Variants in STK32C observed in about 807,000 individuals in gnomAD.
The protein encoded by STK32C is serine/threonine kinase 32C.
Under a neutral mutation model 56.5 loss-of-function variants are expected in STK32C, and 31 were observed. The observed-to-expected ratio is 0.55, with a 90% CI of 0.41 to 0.74. STK32C has a LOEUF of 0.74. Among genes scored for constraint, STK32C ranks in the 30% least tolerant of loss-of-function variants. The pLI, the probability that STK32C is intolerant of heterozygous loss-of-function variation, is 0.00. For missense variants in STK32C, 544 were observed against 676.9 expected (o/e 0.80, Z 2.18); for synonymous variants, 309 against 289.4 (o/e 1.07, Z -0.69).
upstream of STK32C, among the ~76,000 whole-genome samples, chr10:132,311,725 C>T (rs546163808): frequency 6.6e-6 from 1 of 152,340 alleles, no homozygotes; most frequent in East Asian, 1.9e-4. This position sits in a 1 kb window ranked among gnomAD's most constrained non-coding sequence, Gnocchi z 4.4. Flanking sequence ...GTTGCCTTTT[C>T]ATCTGTCTAC....
chr10:132,246,201 T>C (rs1471674938), intron 1 of STK32C, among the ~76,000 whole-genome samples: 1 of 152,210 alleles, frequency 6.6e-6, no homozygotes, highest in Admixed American at 6.5e-5. Context: ...GGATTAGGCA[T>C]GTGCTCAGCC....
chr10:132,303,234 GAGA>G (rs577451568), intron 1 of STK32C, among the ~76,000 whole-genome samples: 8 of 152,344 alleles, frequency 5.3e-5, no homozygotes, highest in Non-Finnish European at 1.0e-4. Flanking sequence ...GAACTAATGC[GAGA>G]AGGAGAGAGC....
upstream of STK32C, among the ~76,000 whole-genome samples, chr10:132,312,634 A>G (rs1346483994): frequency 6.6e-6 from 1 of 152,222 alleles, no homozygotes; most frequent in Non-Finnish European, 1.5e-5. Flanking sequence ...AAGGCCTGGC[A>G]AGAATTCTTG....
At chr10:132,327,309 A>C (rs1590522488) in intron 1 of STK32C, among the ~76,000 whole-genome samples, 1 of 152,052 alleles carries the variant, frequency 6.6e-6, no homozygotes, top group South Asian at 2.1e-4. Context: ...CTTACCTTCC[A>C]CCATGATTGT....
At chr10:132,330,830 G>C (rs1243563405) in intron 1 of STK32C, among the ~76,000 whole-genome samples, 2 of 151,368 alleles carry the variant, frequency 1.3e-5, no homozygotes, top group Non-Finnish European at 1.5e-5. Context: ...TTCTTACTGT[G>C]ATCTCTTCAC....
At chr10:132,265,732 G>A (rs10870282) in intron 1 of STK32C, among the ~76,000 whole-genome samples, 58,821 of 152,166 alleles carry the variant, frequency 0.39, 11,915 homozygotes, top group Admixed American at 0.5. Context: ...CTTCACAGAC[G>A]AGAAGCTCCC....
At chr10:132,248,459 G>A (rs1165189683) in intron 1 of STK32C, among the ~76,000 whole-genome samples, 3 of 152,256 alleles carry the variant, frequency 2.0e-5, no homozygotes, top group African/African-American at 7.2e-5. Context: ...ACTCCGCTGG[G>A]CGGCTCTGGG....
At chr10:132,321,504 C>A (rs1275836703), downstream of STK32C, among the ~76,000 whole-genome samples, 1 of 152,184 alleles carries the variant, frequency 6.6e-6, no homozygotes, top group Non-Finnish European at 1.5e-5. Flanking sequence ...AGAGCCACTT[C>A]ATTCACCCTC....
At chr10:132,271,916 C>G (rs981734744) in intron 1 of STK32C, among the ~76,000 whole-genome samples, 1 of 152,264 alleles carries the variant, frequency 6.6e-6, no homozygotes, top group African/African-American at 2.4e-5. Context: ...AACACCACTG[C>G]TCAGTGCCCG....
chr10:132,210,644 C>T (rs1392229358), intron 10 of STK32C, among the ~76,000 whole-genome samples: 10 of 152,230 alleles, frequency 6.6e-5, no homozygotes, highest in East Asian at 1.9e-4. Flanking sequence ...GGCTGTTCTC[C>T]GATGAACGGT....
rs2066104264 is a variant in STK32C at position 132,307,222 on chromosome 10, C to T, written c.262+350G>A. On this transcript the variant is annotated intron_variant, in intron 1 of 11. Transcript: ENST00000298630. The surrounding 1 kb of genome is among the most constrained non-coding windows in gnomAD (Gnocchi z 4.4). ...TCTCTAACTGCAAAGTACAAACGAGCCCGCACGTGGGCCCGAGCGGATCAC... is the reference window on the plus strand; with the variant it reads ...TCTCTAACTGCAAAGTACAAACGAGTCCGCACGTGGGCCCGAGCGGATCAC... The T allele has an allele frequency of 1.1e-5, 2 of 183,692 alleles. No individual in the cohort carries two copies. The highest frequency in any genetic ancestry group is 2.7e-4 in the South Asian group (2 of 7,332). 11.4% of individuals were successfully genotyped at this position (183,692 alleles called of 1,614,324 possible). A position where few individuals can be genotyped will look rare whatever the true frequency, so the allele number is the denominator to read the frequency against.
chr10:132,220,545 AAG>A (rs1443857283), intron 10 of STK32C, among the ~76,000 whole-genome samples: 5 of 152,248 alleles, frequency 3.3e-5, no homozygotes, highest in African/African-American at 4.8e-5. Flanking sequence ...AAAGACTCAA[AAG>A]AGGACTAAAG....
chr10:132,296,876 G>A (rs925869653), intron 1 of STK32C, among the ~76,000 whole-genome samples: 9 of 152,208 alleles, frequency 5.9e-5, no homozygotes, highest in Non-Finnish European at 1.2e-4. Flanking sequence ...GCGCCCTCTG[G>A]GACGCCGAAA....
At chr10:132,242,795 C>T (rs1004224638) in intron 2 of STK32C, among the ~76,000 whole-genome samples, 3 of 152,232 alleles carry the variant, frequency 2.0e-5, no homozygotes, top group Non-Finnish European at 2.9e-5. Flanking sequence ...GCCCCTGTGC[C>T]TACTGTCAGC....
At chr10:132,331,679 G>C (rs756909510) in exon 1 of STK32C, 2 of 1,612,802 alleles carry the variant, frequency 1.2e-6, no homozygotes, top group Admixed American at 1.7e-5. Flanking sequence ...CTGCTCGGCT[G>C]TCCTCGAGCA....
At chr10:132,250,016 A>G (rs1186099352) in intron 1 of STK32C, among the ~76,000 whole-genome samples, 1 of 152,196 alleles carries the variant, frequency 6.6e-6, no homozygotes, top group African/African-American at 2.4e-5. Context: ...CTTTGAGGGG[A>G]GCAATATGTA....
At chr10:132,266,485 A>C (rs1191939697) in intron 1 of STK32C, among the ~76,000 whole-genome samples, 1 of 152,206 alleles carries the variant, frequency 6.6e-6, no homozygotes, top group African/African-American at 2.4e-5. Context: ...AATACAAATA[A>C]ATAGATCATC....
At chr10:132,225,815 T>C (rs766542843) in intron 4 of STK32C, 31 bp from the exon 5 acceptor site, 3 of 1,613,252 alleles carry the variant, frequency 1.9e-6, no homozygotes, top group Admixed American at 3.3e-5. Context: ...GAAGGTGAGT[T>C]GGGAATCTGC....
In STK32C at chr10:132,296,644, G is replaced by A. The variant is rs376317541; in HGVS notation, c.262+10928C>T. On this transcript the variant is annotated intron_variant, in intron 1 of 11. Coordinates refer to ENST00000298630, the MANE Select transcript of STK32C (RefSeq NM_173575.4). ...TGCTGGATTTCTTAATTTTTTTCTC[G>A]TCACTTTCATTATATAATAAAAAGC... Among the ~76,000 whole-genome samples, 329 of 152,162 alleles carry A rather than the reference G, an allele frequency of 2.2e-3. 3 individuals carry two copies. Among genetic ancestry groups the A allele is most frequent in the African/African-American group, 7.0e-3 (291 of 41,518 alleles).
Sources: gnomAD v4.1 joint callset for allele counts (sites outside exome capture counted in the v4.1 genomes callset) on GRCh38, gnomAD v4.1.1 for gene constraint, Gnocchi (gnomAD v3.1) non-coding constraint, MANE v1.5 for transcripts, NCBI Gene and HGNC (gene_info 2026-07-23, HGNC 2026-07-21) for gene names.